Variants in SERPINB8 observed in about 807,000 individuals in gnomAD.
SERPINB8 encodes the protein serpin family B member 8, also known as serpin B8.
In SERPINB8, 25 loss-of-function variants were observed where a neutral mutation model predicts 35.3. The ratio of observed to expected loss-of-function variants is 0.71; its 90% confidence interval spans 0.52 to 0.99. The LOEUF (loss-of-function observed/expected upper bound fraction) is 0.99. SERPINB8 is among the 50% of genes least tolerant of loss of function. The pLI is 0.00. For synonymous variants in SERPINB8, 186 were observed against 160.8 expected (o/e 1.16, Z -1.19); for missense variants, 484 against 446.5 (o/e 1.08, Z -0.76).
chr18:64,004,787 G>A lies in SERPINB8; in HGVS notation c.71-32G>A, dbSNP rs1019889759. On this transcript the variant is annotated intron_variant, in intron 1 of 1. Transcript: ENST00000493661. Reference sequence around the variant, plus strand: ...GTTTAGTGTCATTATCTCCAAGAATGTAACAAACTCTCATCTTGTGCCTCC... The same window carrying A: ...GTTTAGTGTCATTATCTCCAAGAATATAACAAACTCTCATCTTGTGCCTCC... 13 of 398,372 alleles carry A rather than the reference G, an allele frequency of 3.3e-5. No individual in the cohort carries two copies. The Admixed American group carries it at 5.3e-4, about 16-fold the overall frequency. 24.7% of individuals were successfully genotyped at this position (398,372 alleles called of 1,614,324 possible). A position where few individuals can be genotyped will look rare whatever the true frequency, so the allele number is the denominator to read the frequency against.
chr18:64,016,673 CA>C (rs1210727736), intron 7 of SERPINB8, among the ~76,000 whole-genome samples: 1 of 152,114 alleles, frequency 6.6e-6, no homozygotes, highest in Non-Finnish European at 1.5e-5. Context: ...CAACACTAAG[CA>C]CAGGTCCTTA....
chr18:64,011,020 T>G (rs2050923555), intron 7 of SERPINB8, among the ~76,000 whole-genome samples: 1 of 151,650 alleles, frequency 6.6e-6, no homozygotes, highest in Non-Finnish European at 1.5e-5. Context: ...AAAAAGAAAT[T>G]TAACAAAAGA....
chr18:63,976,456 A>T (rs759471933), intron 1 of SERPINB8, among the ~76,000 whole-genome samples: 2 of 152,208 alleles, frequency 1.3e-5, no homozygotes, highest in Non-Finnish European at 2.9e-5. Flanking sequence ...ACTGGTTGAT[A>T]GGGATGCTAT....
chr18:63,995,970 T>C (rs888354804), intron 1 of SERPINB8, among the ~76,000 whole-genome samples: 2 of 152,066 alleles, frequency 1.3e-5, no homozygotes, highest in Non-Finnish European at 2.9e-5. Context: ...GGAAGAGGAA[T>C]TGGTCAACAG....
chr18:63,985,004 C>T, intron 5 of SERPINB8, 89 bp from the exon 6 acceptor site: 3 of 1,289,432 alleles, frequency 2.3e-6, no homozygotes, highest in Non-Finnish European at 3.3e-6. Flanking sequence ...AGTAATTATA[C>T]ACACCTAGAG....
intron 5 of SERPINB8, among the ~76,000 whole-genome samples, chr18:63,984,673 C>A (rs772742819): frequency 2.0e-5 from 3 of 152,222 alleles, no homozygotes; most frequent in Non-Finnish European, 4.4e-5. Context: ...AATTCTACAA[C>A]AAGGCAACTT....
chr18:63,987,208 C>G lies in SERPINB8; in HGVS notation c.1055C>G (p.Pro352Arg). ...RMEPRFCADH[P>R]FLFFIRHHKT... ...GAGCCAAGATTCTGTGCAGACCACC[C>G]TTTTCTTTTCTTCATCAGGCACCAC... The change falls in exon 7 of 7, where the codon CCT (proline) becomes CGT (arginine). Residue 352 changes from proline to arginine, a missense_variant. Coordinates refer to ENST00000397985, the MANE Select transcript of SERPINB8 (RefSeq NM_002640.4). The G allele has an allele frequency of 2.5e-6, 4 of 1,614,080 alleles. No individual in the cohort carries two copies. Among genetic ancestry groups the G allele is most frequent in the Non-Finnish European group, 3.4e-6 (4 of 1,179,960 alleles).
chr18:64,018,644 G>A (rs1222233978), intron 7 of SERPINB8, among the ~76,000 whole-genome samples: 2 of 152,034 alleles, frequency 1.3e-5, no homozygotes, highest in Non-Finnish European at 2.9e-5. Context: ...AAATTTTAAC[G>A]ACTCTTATGA....
chr18:63,981,522 C>T (rs755801154), intron 3 of SERPINB8, among the ~76,000 whole-genome samples, 199 bp from the exon 4 acceptor site: 5 of 152,200 alleles, frequency 3.3e-5, no homozygotes, highest in African/African-American at 4.8e-5. Flanking sequence ...TGTGGACCTC[C>T]TCAAGCCAAG....
intron 1 of SERPINB8, among the ~76,000 whole-genome samples, chr18:63,976,013 C>G (rs1052969865): frequency 6.6e-6 from 1 of 152,174 alleles, no homozygotes; most frequent in South Asian, 2.1e-4. Context: ...GAAATGAACA[C>G]ATGCACGATA....
At chr18:64,000,705 C>T (rs1009229489) in intron 1 of SERPINB8, among the ~76,000 whole-genome samples, 7 of 152,138 alleles carry the variant, frequency 4.6e-5, no homozygotes, top group African/African-American at 1.4e-4. Flanking sequence ...TACTTTTCTC[C>T]ACTCTGACTC....
downstream of SERPINB8, among the ~76,000 whole-genome samples, chr18:64,008,775 A>C: frequency 6.6e-6 from 1 of 152,200 alleles, no homozygotes. Context: ...GATGCAAATC[A>C]CGATAGGCCA....
chr18:64,009,526 A>G (rs2050916051), downstream of SERPINB8, among the ~76,000 whole-genome samples: 1 of 152,260 alleles, frequency 6.6e-6, no homozygotes, highest in Admixed American at 6.5e-5. Context: ...AGCTGAGCTC[A>G]GAAGCATAGT....
chr18:64,007,436 G>T (rs527426036), downstream of SERPINB8, among the ~76,000 whole-genome samples: 1,061 of 152,206 alleles, frequency 7.0e-3, 11 homozygotes, highest in African/African-American at 0.024. Context: ...AGAATATCTT[G>T]CCATTATTTT....
chr18:63,972,444 T>A (rs2144782364), intron 1 of SERPINB8, among the ~76,000 whole-genome samples: 1 of 152,366 alleles, frequency 6.6e-6, no homozygotes, highest in African/African-American at 2.4e-5. Flanking sequence ...ACTAATATAC[T>A]ACAATCCATT....
intron 6 of SERPINB8, among the ~76,000 whole-genome samples, chr18:63,985,962 T>C (rs767406578): frequency 6.6e-6 from 1 of 152,190 alleles, no homozygotes; most frequent in Non-Finnish European, 1.5e-5. Flanking sequence ...TTTAGTCTAC[T>C]GAGGGTTTAA....
chr18:63,988,318 G>A lies in SERPINB8; in HGVS notation c.*1040G>A, dbSNP rs1053107923. ...GATCTTTCCAGGTCATCAATTTGAT[G>A]TGCATAGTATTCCACTGTGTGGCTG... is the stretch of plus-strand genomic sequence containing the variant. On this transcript the variant is annotated 3_prime_UTR_variant, in exon 7 of 7. Coordinates refer to ENST00000397985, the MANE Select transcript of SERPINB8 (RefSeq NM_002640.4). The A allele has an allele frequency of 1.3e-5, 2 of 152,152 alleles. No individual in the cohort carries two copies. Among genetic ancestry groups the A allele is most frequent in the Non-Finnish European group, 2.9e-5 (2 of 68,030 alleles). The allele number at this position is 152,152 out of a possible 1,614,324, so 9.4% of individuals were successfully genotyped here.
At chr18:64,002,457 C>G (rs1012940852) in intron 1 of SERPINB8, among the ~76,000 whole-genome samples, 1 of 152,132 alleles carries the variant, frequency 6.6e-6, no homozygotes, top group Non-Finnish European at 1.5e-5. Flanking sequence ...CTTCTCTTGC[C>G]CCTCCTCCAA....
At chr18:63,989,864 A>C, downstream of SERPINB8, among the ~76,000 whole-genome samples, 1 of 133,650 alleles carries the variant, frequency 7.5e-6, no homozygotes, top group African/African-American at 2.8e-5. Context: ...AATGGCGTGA[A>C]CCCGGGAGGC....
Sources: allele counts gnomAD v4.1 joint callset (sites outside exome capture counted in the v4.1 genomes callset), GRCh38; gene constraint gnomAD v4.1.1; transcripts MANE v1.5; gene names NCBI Gene and HGNC (gene_info 2026-07-23, HGNC 2026-07-21).